The following CES4A variants were observed in gnomAD, a reference collection of about 807,000 sequenced individuals.
CES4A encodes the protein carboxylesterase 6.
CES4A carries 48 observed loss-of-function variants against 65.4 expected under a neutral mutation model. That is an observed-to-expected ratio of 0.73 (90% CI 0.58 to 0.93). The LOEUF is 0.93. Among genes scored for constraint, CES4A ranks in the 40% least tolerant of loss-of-function variants. The pLI, the probability that CES4A is intolerant of heterozygous loss-of-function variation, is 0.00. For missense variants in CES4A, 685 were observed against 728.5 expected, an observed-to-expected ratio of 0.94 and a Z score of 0.69; for synonymous variants, 247 against 281.8, an observed-to-expected ratio of 0.88 and a Z score of 1.24.
intron 11 of CES4A, chr16:67,005,750 G>C (rs140777738): frequency 2.6e-4 from 50 of 196,002 alleles, no homozygotes; most frequent in Middle Eastern, 2.1e-3. Context: ...TCAGTAGGCT[G>C]ACGCAGGAGA....
chr16:67,009,972 A>T (rs776020402), downstream of CES4A, among the ~76,000 whole-genome samples: 11 of 151,768 alleles, frequency 7.2e-5, no homozygotes, highest in Non-Finnish European at 1.2e-4. Flanking sequence ...CCATCAGTTT[A>T]GGTCTTAGTG....
In CES4A at chr16:67,003,520, C is replaced by T. The variant is rs773047865; in HGVS notation, c.906C>T (p.Phe302=). ...TCCCTTCCTCTCCCCCATAGAGATT[C>T]CTCCAACTGAACTTCCAGAGAGACC... Residue 302 remains phenylalanine (F), a synonymous_variant, in exon 8 of 14, where the codon TTC becomes TTT. Coordinates refer to ENST00000648724, the Ensembl canonical transcript of CES4A. This position sits in a 1 kb window ranked among gnomAD's most constrained non-coding sequence, Gnocchi z 4.2. The T allele has an allele frequency of 6.2e-7, 1 of 1,613,534 alleles. No homozygotes were observed. Among genetic ancestry groups the T allele is most frequent in the Non-Finnish European group, 8.5e-7 (1 of 1,179,438 alleles).
rs927172483 is a variant in CES4A at position 67,000,007 on chromosome 16, T to A, written c.261-631T>A. Among the ~76,000 whole-genome samples, 1 of 151,978 alleles carries A rather than the reference T, an allele frequency of 6.6e-6. No individual in the cohort carries two copies. The highest frequency in any genetic ancestry group is 1.5e-5 in the Non-Finnish European group (1 of 67,988). On this transcript the variant is annotated intron_variant, in intron 2 of 13. Coordinates refer to ENST00000648724, the Ensembl canonical transcript of CES4A. The surrounding 1 kb of genome is among the most constrained non-coding windows in gnomAD (Gnocchi z 4.2). The stretch of plus-strand genomic sequence containing the variant: ...CAGCAAAGGGTGGCTGGGACAGAGA[T>A]GACTGGATGGAAAGGAGGGCCTGGG...
At chr16:67,002,745 A>C (rs1965454488) in intron 5 of CES4A, among the ~76,000 whole-genome samples, 1 of 152,078 alleles carries the variant, frequency 6.6e-6, no homozygotes, top group Non-Finnish European at 1.5e-5. Flanking sequence ...CACAGGTAAC[A>C]ACCTGGGGAA....
intron 1 of CES4A, among the ~76,000 whole-genome samples, chr16:66,992,652 G>A (rs1373833512): frequency 2.6e-5 from 4 of 152,116 alleles, no homozygotes; most frequent in African/African-American, 7.2e-5. Flanking sequence ...GAACAATTTA[G>A]TTTGGGTTTT....
chr16:66,988,909 T>C (rs1048526183), intron 1 of CES4A, 79 bp downstream of exon 1: 7 of 1,469,824 alleles, frequency 4.8e-6, no homozygotes, highest in Non-Finnish European at 9.1e-7. Flanking sequence ...GTTCAACCTC[T>C]CCTGGGGACA....
chr16:67,001,746 C>T lies in CES4A; in HGVS notation c.690+285C>T, dbSNP rs1965374610. Among the ~76,000 whole-genome samples the T allele has an allele frequency of 6.6e-6, 1 of 152,244 alleles. No homozygotes were observed. Among genetic ancestry groups the T allele is most frequent in the South Asian group, 2.1e-4 (1 of 4,832 alleles). On this transcript the variant is annotated intron_variant, in intron 5 of 13. Coordinates refer to ENST00000648724, the Ensembl canonical transcript of CES4A. The surrounding 1 kb of genome is among the most constrained non-coding windows in gnomAD (Gnocchi z 4.1). ...CAGCACCTTCTGCCTCTCCACATTC[C>T]CCCAGAACTCTATCCCCTGAACAGA...
intron 13 of CES4A, 127 bp downstream of exon 13, chr16:67,006,944 C>T: frequency 1.3e-6 from 1 of 778,322 alleles, no homozygotes. Context: ...AAACAGGGTG[C>T]CCCTTCTTCT....
chr16:66,995,183 G>A (rs1033722635), intron 1 of CES4A, among the ~76,000 whole-genome samples: 1 of 151,574 alleles, frequency 6.6e-6, no homozygotes, highest in Non-Finnish European at 1.5e-5. Flanking sequence ...GGTGGCGGGC[G>A]CCTGTGGTCC....
At position 67,003,092 on chromosome 16, in the gene CES4A, G is replaced by T. The variant is rs1965481857; in HGVS notation, c.713G>T (p.Gly238Val). ...CAGATGATGTCACCCCTAGCCTCGG[G>T]TCTCTTCCATCGGGCCATTTCCCAG... is the stretch of plus-strand genomic sequence containing the variant. The change falls in exon 6 of 14, where the codon GGT (glycine) becomes GTT (valine). Residue 238 changes from glycine to valine, a missense_variant. Transcript: ENST00000648724. This position sits in a 1 kb window ranked among gnomAD's most constrained non-coding sequence, Gnocchi z 4.2. 1 of 1,614,046 alleles carries T rather than the reference G, an allele frequency of 6.2e-7. No homozygotes were observed. The highest frequency in any genetic ancestry group is 8.5e-7 in the Non-Finnish European group (1 of 1,179,982).
At position 67,003,460 on chromosome 16, in the gene CES4A, CAAG is replaced by C; in HGVS notation, c.901-53_901-51del. The C allele has an allele frequency of 6.3e-7, 1 of 1,596,572 alleles. No individual in the cohort carries two copies. The highest frequency in any genetic ancestry group is 8.6e-7 in the Non-Finnish European group (1 of 1,164,186). ...AACTACTTCCCCAGGGACCCTGTCT[CAAG>C]AGCACACGAGGGAGACTTCCTTTAA... is the stretch of plus-strand genomic sequence containing the variant. On this transcript the variant is annotated intron_variant, in intron 7 of 13. Coordinates refer to ENST00000648724, the Ensembl canonical transcript of CES4A. This position sits in a 1 kb window ranked among gnomAD's most constrained non-coding sequence, Gnocchi z 4.2.
intron 2 of CES4A, 181 bp downstream of exon 2, chr16:66,996,010 T>C (rs1414216875): frequency 7.1e-6 from 5 of 704,310 alleles, no homozygotes; most frequent in Non-Finnish European, 1.3e-5. Flanking sequence ...GGTGTTTACA[T>C]CACTGACAAT....
chr16:67,004,156 G>C (rs1386629487), exon 9 of CES4A: 16 of 1,614,158 alleles, frequency 9.9e-6, no homozygotes, highest in Non-Finnish European at 1.4e-5. Context: ...CCTGACCCAG[G>C]GGAAGGTTTC....
At position 67,004,227 on chromosome 16, in the gene CES4A, A is replaced by C. The variant is rs1456490243; in HGVS notation, c.1080+3A>C. On this transcript the variant is annotated splice_donor_region_variant and intron_variant, in intron 9 of 13. Transcript: ENST00000648724. ...AATTCAATTGGCTCTTGCCTTATGT[A>C]AGTGAGTAGGAGTTCAATTGGCTCT... is the stretch of plus-strand genomic sequence containing the variant. The C allele has an allele frequency of 3.1e-6, 5 of 1,613,936 alleles. No individual in the cohort carries two copies. The highest frequency in any genetic ancestry group is 4.2e-6 in the Non-Finnish European group (5 of 1,179,950).
rs987508151 is a variant in CES4A at position 67,001,589 on chromosome 16, C to T, written c.690+128C>T. ...AACGTGCCTGCCACAGAAATGCTCT[C>T]GCCCCTGCCAAGGGTACAGCCCCTC... On this transcript the variant is annotated intron_variant, in intron 5 of 13. Coordinates refer to ENST00000648724, the Ensembl canonical transcript of CES4A. This position sits in a 1 kb window ranked among gnomAD's most constrained non-coding sequence, Gnocchi z 4.1. 2 of 1,140,964 alleles carry T rather than the reference C, an allele frequency of 1.8e-6. No individual in the cohort carries two copies. Among genetic ancestry groups the T allele is most frequent in the African/African-American group, 1.6e-5 (1 of 63,654 alleles). 70.7% of individuals were successfully genotyped at this position (1,140,964 alleles called of 1,614,324 possible). A position where few individuals can be genotyped will look rare whatever the true frequency, so the allele number is the denominator to read the frequency against.
At chr16:67,007,807 C>CA (rs1218915312) in intron 13 of CES4A, 1 of 146,744 alleles carries the variant, frequency 6.8e-6, no homozygotes, top group African/African-American at 2.5e-5. Flanking sequence ...TTTTTTGAGA[C>CA]AGAGTCTCGC....
chr16:67,009,332 A>C (rs1489136413), exon 14 of CES4A: 4 of 548,732 alleles, frequency 7.3e-6, no homozygotes, highest in Non-Finnish European at 1.3e-5. Context: ...TGCCCTTTCC[A>C]GCCTGACATC....
rs1412722711 is a variant in CES4A, at chr16:67,000,252, C to G, written c.261-386C>G. On this transcript the variant is annotated intron_variant, in intron 2 of 13. Coordinates refer to ENST00000648724, the Ensembl canonical transcript of CES4A. This position sits in a 1 kb window ranked among gnomAD's most constrained non-coding sequence, Gnocchi z 4.2. ...AGACGGTGGTGGCCTTGACATCTCC[C>G]CAGAGATGGGGATGGAGGGGAGGGA... Among the ~76,000 whole-genome samples, 1 of 151,956 alleles carries G rather than the reference C, an allele frequency of 6.6e-6. No individual in the cohort carries two copies. Among genetic ancestry groups the G allele is most frequent in the Non-Finnish European group, 1.5e-5 (1 of 67,984 alleles).
Position 67,000,008 on chromosome 16 carries a change from G to A in CES4A, c.261-630G>A, listed in dbSNP as rs1965152708. ...AGCAAAGGGTGGCTGGGACAGAGAT[G>A]ACTGGATGGAAAGGAGGGCCTGGGT... On this transcript the variant is annotated intron_variant, in intron 2 of 13. Coordinates refer to ENST00000648724, the Ensembl canonical transcript of CES4A. This position sits in a 1 kb window ranked among gnomAD's most constrained non-coding sequence, Gnocchi z 4.2. Among the ~76,000 whole-genome samples the A allele has an allele frequency of 6.6e-6, 1 of 152,164 alleles. No individual in the cohort carries two copies. Among genetic ancestry groups the A allele is most frequent in the South Asian group, 2.1e-4 (1 of 4,830 alleles).
Sources: gnomAD v4.1 joint callset for allele counts (sites outside exome capture counted in the v4.1 genomes callset) on GRCh38, gnomAD v4.1.1 for gene constraint, Gnocchi (gnomAD v3.1) non-coding constraint, MANE v1.5 for transcripts, NCBI Gene and HGNC (gene_info 2026-07-23, HGNC 2026-07-21) for gene names.